The following ABCC9 variants were observed in gnomAD, a reference collection of about 807,000 sequenced individuals.
The protein encoded by ABCC9 is ATP-binding cassette sub-family C member 9.
A neutral mutation model predicts 188.3 loss-of-function variants in ABCC9; 95 were observed. The observed-to-expected ratio is 0.50, with a 90% CI of 0.43 to 0.60. The LOEUF (loss-of-function observed/expected upper bound fraction) is 0.60, where lower values mean the gene tolerates loss of function less well. ABCC9 is among the 20% of genes least tolerant of loss of function. The probability of loss-of-function intolerance (pLI) is 0.00; values close to 1 mark genes in which losing one functional copy is unlikely to be tolerated. For missense variants in ABCC9, 1,102 were observed against 1,876.3 expected (o/e 0.59, Z 7.62); for synonymous variants, 659 against 652.7 (o/e 1.01, Z -0.15).
At chr12:21,905,355 T>A (rs1263091141) in intron 12 of ABCC9, among the ~76,000 whole-genome samples, 1 of 151,644 alleles carries the variant, frequency 6.6e-6, no homozygotes, top group African/African-American at 2.4e-5. Flanking sequence ...ATGACACATA[T>A]ATATATATGT....
intron 14 of ABCC9, among the ~76,000 whole-genome samples, chr12:21,891,350 C>T (rs1285613852): frequency 7.2e-5 from 11 of 152,090 alleles, no homozygotes; most frequent in East Asian, 5.9e-4. Flanking sequence ...CACTCTTCTT[C>T]GAGCATTTTA....
intron 31 of ABCC9, among the ~76,000 whole-genome samples, chr12:21,824,581 T>C (rs780907313): frequency 2.6e-5 from 4 of 152,226 alleles, no homozygotes; most frequent in Admixed American, 6.5e-5. Flanking sequence ...AGCATCTCTT[T>C]GTACCTCCAG....
intron 39 of ABCC9, among the ~76,000 whole-genome samples, chr12:21,803,053 A>G (rs1192519311): frequency 1.3e-5 from 2 of 151,832 alleles, no homozygotes; most frequent in Non-Finnish European, 2.9e-5. Context: ...TGCAAAAGTA[A>G]TCATGTCAAA....
intron 20 of ABCC9, among the ~76,000 whole-genome samples, 193 bp from the exon 21 acceptor site, chr12:21,861,248 G>A (rs1283466866): frequency 1.1e-5 from 1 of 87,910 alleles, no homozygotes; most frequent in Non-Finnish European, 2.3e-5. Flanking sequence ...TTTTTTTTTT[G>A]AAGACAGAGT....
chr12:21,833,169 A>G (rs560145684), intron 30 of ABCC9, among the ~76,000 whole-genome samples: 1 of 152,174 alleles, frequency 6.6e-6, no homozygotes, highest in Non-Finnish European at 1.5e-5. Flanking sequence ...CATTAGGTAC[A>G]ATGTACACTG....
rs1381586846 is a variant in ABCC9, at chr12:21,799,770, A to AG, written c.*1273dup. ...ATGCATGTGGATCTTCATATGAAAA[A>AG]GAAATCAATGATATTGACACTGGAT... On this transcript the variant is annotated 3_prime_UTR_variant, in exon 40 of 40. Coordinates refer to ENST00000261200, the MANE Select transcript of ABCC9 (RefSeq NM_020297.4). 1.3e-5 allele frequency: 2 copies of AG among 152,214 alleles called. No homozygotes were observed. Among genetic ancestry groups the AG allele is most frequent in the Non-Finnish European group, 2.9e-5 (2 of 68,032 alleles). 9.4% of individuals were successfully genotyped at this position (152,214 alleles called of 1,614,324 possible). A position where few individuals can be genotyped will look rare whatever the true frequency, so the allele number is the denominator to read the frequency against.
chr12:21,901,561 T>C (rs1276221679), intron 12 of ABCC9, among the ~76,000 whole-genome samples: 1 of 151,960 alleles, frequency 6.6e-6, no homozygotes, highest in East Asian at 1.9e-4. Context: ...AGGAAACCCA[T>C]CTCACGTGTA....
rs766069020 is a variant in ABCC9 at position 21,872,749 on chromosome 12, G to A, written c.2093-19C>T. ...AACTGACCTAGGAAAGCAAAACAAA[G>A]GATAACTACAGAATGAGATGGATTC... On this transcript the variant is annotated intron_variant, in intron 17 of 39. Coordinates refer to ENST00000261200, the MANE Select transcript of ABCC9 (RefSeq NM_020297.4). 21 of 1,523,332 alleles carry A rather than the reference G, an allele frequency of 1.4e-5. No homozygotes were observed. The highest frequency in any genetic ancestry group is 1.8e-5 in the Non-Finnish European group (20 of 1,097,378). The allele number at this position is 1,523,332 out of a possible 1,614,324, so 94.4% of individuals were successfully genotyped here.
At chr12:21,884,612 C>A (rs987738765) in intron 15 of ABCC9, among the ~76,000 whole-genome samples, 1 of 152,146 alleles carries the variant, frequency 6.6e-6, no homozygotes, top group African/African-American at 2.4e-5. Flanking sequence ...CAAGATATTG[C>A]TCTTCCAATT....
At chr12:21,908,392 C>A (rs549145921) in intron 10 of ABCC9, among the ~76,000 whole-genome samples, 181 bp from the exon 11 acceptor site, 16 of 152,086 alleles carry the variant, frequency 1.1e-4, no homozygotes, top group South Asian at 4.2e-4. Flanking sequence ...CCAGCTGTGA[C>A]AGTTGGGTTT....
chr12:21,867,101 G>A (rs188206223), intron 18 of ABCC9, among the ~76,000 whole-genome samples: 1 of 152,068 alleles, frequency 6.6e-6, no homozygotes, highest in Non-Finnish European at 1.5e-5. Context: ...AAGAAAAAAA[G>A]AGGTAAACTT....
At chr12:21,836,643 C>A (rs753887595) in intron 30 of ABCC9, among the ~76,000 whole-genome samples, 20 of 152,010 alleles carry the variant, frequency 1.3e-4, no homozygotes, top group Non-Finnish European at 2.2e-4. Context: ...TTTTCTTAAG[C>A]CCTCTCTCCT....
chr12:21,935,083 T>G (rs868521013), intron 3 of ABCC9, among the ~76,000 whole-genome samples: 20 of 152,080 alleles, frequency 1.3e-4, no homozygotes, highest in Non-Finnish European at 1.6e-4. Flanking sequence ...CCTTTAACAA[T>G]GTCCCCTCAA....
chr12:21,842,057 A>G (rs1944419752), intron 29 of ABCC9, among the ~76,000 whole-genome samples: 1 of 152,202 alleles, frequency 6.6e-6, no homozygotes, highest in African/African-American at 2.4e-5. Context: ...TATAACCTAC[A>G]TACATCATCC....
intron 22 of ABCC9, 113 bp from the exon 23 acceptor site, chr12:21,852,618 A>G: frequency 7.9e-7 from 1 of 1,261,662 alleles, no homozygotes; most frequent in Non-Finnish European, 1.1e-6. Context: ...CCCCAAATCT[A>G]ATTTATTTAA....
At chr12:21,898,889 G>T (rs539237904) in intron 12 of ABCC9, among the ~76,000 whole-genome samples, 95 of 152,294 alleles carry the variant, frequency 6.2e-4, no homozygotes, top group Admixed American at 1.5e-3. Flanking sequence ...TGGAAAAAAG[G>T]GTTTTATGTG....
chr12:21,867,822 G>GAAA (rs11373840), intron 18 of ABCC9, among the ~76,000 whole-genome samples: 2 of 137,902 alleles, frequency 1.5e-5, no homozygotes, highest in Non-Finnish European at 3.1e-5. Context: ...AGAGGGAAAA[G>GAAA]AAAAAAAAAA....
rs1944533125 is a variant in ABCC9 at position 21,844,506 on chromosome 12, C to T, written c.3292G>A (p.Ala1098Thr). The T allele has an allele frequency of 6.2e-7, 1 of 1,613,648 alleles. No homozygotes were observed. The highest frequency in any genetic ancestry group is 8.5e-7 in the Non-Finnish European group (1 of 1,179,672). The stretch of plus-strand genomic sequence containing the variant: ...ACCTGATCAATGATATTAGTATCAG[C>T]TGAAAAGCGATTGAGAATCAGTCCC... ...PLGLILNRFS[A>T]DTNIIDQHIP... Residue 1098 changes from alanine (A) to threonine (T), a missense_variant, in exon 28 of 40, where the codon GCT becomes ACT. By Grantham distance (58) the Ala-to-Thr change is moderately conservative (BLOSUM62 0). Coordinates refer to ENST00000261200, the MANE Select transcript of ABCC9 (RefSeq NM_020297.4).
chr12:21,901,559 C>T (rs1225577990), intron 12 of ABCC9, among the ~76,000 whole-genome samples: 1 of 152,120 alleles, frequency 6.6e-6, no homozygotes, highest in Non-Finnish European at 1.5e-5. Context: ...TCAGGAAACC[C>T]ATCTCACGTG....
Sources: allele counts gnomAD v4.1 joint callset (sites outside exome capture counted in the v4.1 genomes callset), GRCh38; gene constraint gnomAD v4.1.1; transcripts MANE v1.5; gene names NCBI Gene and HGNC (gene_info 2026-07-23, HGNC 2026-07-21).